Variants in SYT14 observed in about 807,000 individuals in gnomAD.
SYT14 encodes synaptotagmin 14.
SYT14 carries 32 observed loss-of-function variants against 74.2 expected under a neutral mutation model. The observed-to-expected ratio is 0.43, with a 90% confidence interval of 0.33 to 0.58. The LOEUF (loss-of-function observed/expected upper bound fraction) is 0.58. Among genes scored for constraint, SYT14 ranks in the 20% least tolerant of loss-of-function variants. The pLI is 0.05. For synonymous variants in SYT14, 298 were observed against 337.7 expected, an observed-to-expected ratio of 0.88 and a Z score of 1.29; for missense variants, 791 against 981.8, an observed-to-expected ratio of 0.81 and a Z score of 2.60.
At chr1:210,105,830 A>G (rs1162165037) in intron 7 of SYT14, among the ~76,000 whole-genome samples, 1 of 152,092 alleles carries the variant, frequency 6.6e-6, no homozygotes, top group African/African-American at 2.4e-5. Context: ...GATTGTTTAA[A>G]GGTCTGTGGC....
chr1:210,003,600 C>G (rs1390038990), intron 2 of SYT14, among the ~76,000 whole-genome samples: 2 of 152,052 alleles, frequency 1.3e-5, no homozygotes, highest in Admixed American at 6.6e-5. Context: ...CACATAGGCC[C>G]TCTAGGCCCT....
chr1:209,946,686 C>G (rs993880414), intron 1 of SYT14, among the ~76,000 whole-genome samples: 1 of 152,204 alleles, frequency 6.6e-6, no homozygotes, highest in Non-Finnish European at 1.5e-5. Context: ...GAAGCTGTAG[C>G]AGGTTATCCA....
chr1:209,989,217 A>G (rs2079622606), intron 2 of SYT14, among the ~76,000 whole-genome samples: 1 of 152,138 alleles, frequency 6.6e-6, no homozygotes. Flanking sequence ...AGAAAATGTG[A>G]TTATTAGAAT....
intron 2 of SYT14, among the ~76,000 whole-genome samples, chr1:210,009,922 T>C (rs2080055185): frequency 6.6e-6 from 1 of 152,026 alleles, no homozygotes; most frequent in Non-Finnish European, 1.5e-5. Context: ...TAACCTCAAC[T>C]CTTCTTCTTT....
At chr1:210,005,586 G>T (rs1292301312) in intron 2 of SYT14, among the ~76,000 whole-genome samples, 1 of 151,826 alleles carries the variant, frequency 6.6e-6, no homozygotes, top group African/African-American at 2.4e-5. Flanking sequence ...CATTGAATAG[G>T]TAATGAAAAA....
At chr1:210,035,834 T>C (rs2080649184) in intron 5 of SYT14, among the ~76,000 whole-genome samples, 1 of 152,116 alleles carries the variant, frequency 6.6e-6, no homozygotes, top group Admixed American at 6.6e-5. Context: ...TGAAGTCAGG[T>C]CATGTAATGC....
intron 7 of SYT14, among the ~76,000 whole-genome samples, chr1:210,131,444 G>A (rs1310600933): frequency 6.6e-6 from 1 of 151,986 alleles, no homozygotes; most frequent in South Asian, 2.1e-4. Context: ...TAATTGCACA[G>A]TAGAATGGTA....
intron 3 of SYT14, among the ~76,000 whole-genome samples, chr1:210,015,431 G>A (rs1311823691): frequency 6.6e-6 from 1 of 152,134 alleles, no homozygotes; most frequent in African/African-American, 2.4e-5. Flanking sequence ...TAGAATTACT[G>A]TAAAATCAAG....
chr1:210,134,835 G>A (rs1269868672), intron 7 of SYT14, among the ~76,000 whole-genome samples: 1 of 152,050 alleles, frequency 6.6e-6, no homozygotes. Flanking sequence ...TTAATTAAAG[G>A]GAACCTTTTG....
At chr1:209,984,287 G>C (rs1279681746) in intron 2 of SYT14, among the ~76,000 whole-genome samples, 1 of 152,204 alleles carries the variant, frequency 6.6e-6, no homozygotes, top group Non-Finnish European at 1.5e-5. Context: ...GATGGTAGCT[G>C]TTTTGTGCAT....
chr1:210,059,655 T>G (rs1003223911), intron 5 of SYT14, among the ~76,000 whole-genome samples: 1 of 151,944 alleles, frequency 6.6e-6, no homozygotes, highest in African/African-American at 2.4e-5. Context: ...GATAAAATAA[T>G]TTATTAGCCA....
At chr1:210,064,068 A>G (rs902851939) in intron 5 of SYT14, among the ~76,000 whole-genome samples, 2 of 151,908 alleles carry the variant, frequency 1.3e-5, no homozygotes, top group African/African-American at 4.8e-5. Context: ...AATTTTTTCT[A>G]TTTAGTTTTT....
rs1399927447 is a variant in SYT14, at chr1:209,977,914, C to A, written c.-486+25158C>A. 2.6e-5 allele frequency among the ~76,000 whole-genome samples: 4 copies of A among 152,226 alleles called. No individual in the cohort carries two copies. In the East Asian group the frequency reaches 5.8e-4, roughly 22 times the overall value. Reference sequence around the variant, plus strand: ...GAGGCTTTGCTCATTTCTTTTTATTCTTTTTTCTCTAAACTTCTCTTCTTG... The same window carrying A: ...GAGGCTTTGCTCATTTCTTTTTATTATTTTTTCTCTAAACTTCTCTTCTTG... On this transcript the variant is annotated intron_variant, in intron 2 of 9. Coordinates refer to ENST00000637265, the Ensembl canonical transcript of SYT14.
chr1:210,079,415 T>C (rs1314852985), intron 5 of SYT14, among the ~76,000 whole-genome samples: 2 of 152,114 alleles, frequency 1.3e-5, no homozygotes, highest in East Asian at 1.9e-4. Flanking sequence ...AATGAGAAGA[T>C]AAATACAAAG....
intron 7 of SYT14, among the ~76,000 whole-genome samples, chr1:210,135,346 T>C (rs2082763082): frequency 6.6e-6 from 1 of 152,210 alleles, no homozygotes; most frequent in Non-Finnish European, 1.5e-5. Context: ...TTTGGGTTCA[T>C]TGATCTTGTC....
intron 1 of SYT14, among the ~76,000 whole-genome samples, 175 bp from the exon 2 acceptor site, chr1:209,952,534 G>T (rs1407328936): frequency 5.9e-5 from 9 of 152,114 alleles, no homozygotes; most frequent in Non-Finnish European, 1.3e-4. Context: ...TTTCTGGGTT[G>T]TTCCAGAAAA....
At chr1:210,068,651 A>G (rs1384472783) in intron 5 of SYT14, among the ~76,000 whole-genome samples, 2 of 151,554 alleles carry the variant, frequency 1.3e-5, no homozygotes, top group Non-Finnish European at 3.0e-5. Context: ...TTTTTATTGT[A>G]TACATTTTTC....
chr1:210,044,264 A>G (rs189687498), intron 5 of SYT14, among the ~76,000 whole-genome samples: 190 of 152,138 alleles, frequency 1.2e-3, no homozygotes, highest in African/African-American at 4.3e-3. Flanking sequence ...TCATACTTTT[A>G]TTTCCTTTGT....
intron 5 of SYT14, 81 bp from the exon 5 acceptor site, chr1:210,094,239 CAA>C: frequency 6.3e-7 from 1 of 1,591,638 alleles, no homozygotes; most frequent in Non-Finnish European, 8.6e-7. Flanking sequence ...ATCCAGTTTT[CAA>C]AAGTTATTTA....
Sources: allele counts gnomAD v4.1 joint callset (sites outside exome capture counted in the v4.1 genomes callset), GRCh38; gene constraint gnomAD v4.1.1; transcripts MANE v1.5; gene names NCBI Gene and HGNC (gene_info 2026-07-23, HGNC 2026-07-21).